The following LRRIQ3 variants were observed in gnomAD, a reference collection of about 807,000 sequenced individuals.
The protein encoded by LRRIQ3 is leucine-rich repeat and IQ domain-containing protein 3.
Under a neutral mutation model 59.3 loss-of-function variants are expected in LRRIQ3, and 75 were observed. The observed-to-expected ratio is 1.26, with a 90% CI of 1.05 to 1.53. The LOEUF (loss-of-function observed/expected upper bound fraction) is 1.53. LRRIQ3 is among the 40% of genes most tolerant of loss of function. The probability of loss-of-function intolerance (pLI) is 0.00; values close to 1 mark genes in which losing one functional copy is unlikely to be tolerated. For missense variants in LRRIQ3, 831 were observed against 710.0 expected (o/e 1.17, Z -1.94); for synonymous variants, 250 against 231.3 (o/e 1.08, Z -0.73).
At position 74,041,475 on chromosome 1, in the gene LRRIQ3, C is replaced by T. The variant is rs200322002; in HGVS notation, c.1456G>A (p.Val486Ile). Residue 486 changes from valine to isoleucine, a missense_variant, in exon 7 of 8, where the codon GTT (valine) becomes ATT (isoleucine). Val to Ile is a conservative substitution (Grantham distance 29). Coordinates refer to ENST00000354431, the MANE Select transcript of LRRIQ3 (RefSeq NM_001105659.2). ...KETIQNSLRQ[V>I]WQNRFNYLEK... ...AGGTAGTTGAATCTGTTTTGCCAAA[C>T]TTGTCGTAAACTGTTCTGAATTGTC... 794 of 1,613,512 alleles carry T rather than the reference C, an allele frequency of 4.9e-4. 2 individuals are homozygous for T. Among genetic ancestry groups the T allele is most frequent in the Non-Finnish European group, 6.4e-4 (755 of 1,179,836 alleles).
intron 4 of LRRIQ3, among the ~76,000 whole-genome samples, chr1:74,122,292 G>A (rs1490901663): frequency 6.6e-6 from 1 of 152,124 alleles, no homozygotes; most frequent in African/African-American, 2.4e-5. Context: ...GGTGTGAGAT[G>A]TTATCTCATA....
chr1:74,162,455 C>T (rs1316677142), intron 3 of LRRIQ3, among the ~76,000 whole-genome samples: 2 of 151,754 alleles, frequency 1.3e-5, no homozygotes, highest in African/African-American at 4.8e-5. Flanking sequence ...AAATTCTATA[C>T]TACGTGCCTG....
chr1:74,030,625 G>T (rs1332502033), intron 7 of LRRIQ3, among the ~76,000 whole-genome samples: 1 of 152,108 alleles, frequency 6.6e-6, no homozygotes, highest in Non-Finnish European at 1.5e-5. Flanking sequence ...ATGGATTAAA[G>T]ACTTAAATGT....
chr1:74,106,647 G>A (rs1445588278), intron 5 of LRRIQ3, among the ~76,000 whole-genome samples: 2 of 151,920 alleles, frequency 1.3e-5, no homozygotes, highest in South Asian at 2.1e-4. Context: ...GTATTAGTGT[G>A]TTTGCTATTA....
At chr1:74,187,676 T>A (rs1650492522) in intron 1 of LRRIQ3, among the ~76,000 whole-genome samples, 1 of 151,816 alleles carries the variant, frequency 6.6e-6, no homozygotes, top group Non-Finnish European at 1.5e-5. Flanking sequence ...ATCTCAGAAA[T>A]CATCACTAAA....
chr1:74,035,452 A>T (rs193266334), intron 7 of LRRIQ3, among the ~76,000 whole-genome samples: 1 of 152,104 alleles, frequency 6.6e-6, no homozygotes, highest in Non-Finnish European at 1.5e-5. Context: ...CAATTAATAA[A>T]ATTTAAATTG....
At chr1:74,155,540 T>C (rs916437798) in intron 4 of LRRIQ3, 193 bp downstream of exon 4, 1 of 368,326 alleles carries the variant, frequency 2.7e-6, no homozygotes, top group Non-Finnish European at 4.8e-6. Flanking sequence ...AAATAAAATA[T>C]CAAATGTTGA....
At chr1:74,190,283 C>A (rs1243893604) in intron 1 of LRRIQ3, among the ~76,000 whole-genome samples, 2 of 151,700 alleles carry the variant, frequency 1.3e-5, no homozygotes, top group South Asian at 4.2e-4. Context: ...CATACAAGAA[C>A]AAATGGATAA....
intron 1 of LRRIQ3, among the ~76,000 whole-genome samples, chr1:74,190,891 A>T (rs959171909): frequency 3.3e-5 from 5 of 152,122 alleles, no homozygotes; most frequent in African/African-American, 1.2e-4. Context: ...AGAGAAAAAA[A>T]ACTCACTGAC....
intron 4 of LRRIQ3, among the ~76,000 whole-genome samples, chr1:74,151,327 G>C (rs1647933971): frequency 6.6e-6 from 1 of 152,112 alleles, no homozygotes; most frequent in Non-Finnish European, 1.5e-5. Context: ...TGGGATAATA[G>C]TTATGGCAGT....
Position 74,060,188 on chromosome 1 carries a change from T to TTTCTTCTTCTTCTTCTTC in LRRIQ3, c.997+14455_997+14472dup, listed in dbSNP as rs1322871460. On this transcript the variant is annotated intron_variant, in intron 6 of 7. Transcript: ENST00000354431. ...TCGTCGTCATCTTCTTCTTCTTCTT[T>TTTCTTCTTCTTCTTCTTC]TTCTTCTTCTTCTTCTTCTTCTTCT... 1.4e-4 allele frequency among the ~76,000 whole-genome samples: 16 copies of TTTCTTCTTCTTCTTCTTC among 111,516 alleles called. 2 individuals carry two copies. The highest frequency in any genetic ancestry group is 3.0e-4 in the East Asian group (1 of 3,330). 73.2% of individuals were successfully genotyped at this position (111,516 alleles called of 152,430 possible).
At position 74,074,747 on chromosome 1, in the gene LRRIQ3, C is replaced by A; in HGVS notation, c.911G>T (p.Arg304Ile). The A allele has an allele frequency of 7.0e-7, 1 of 1,423,250 alleles. No individual in the cohort carries two copies. Among genetic ancestry groups the A allele is most frequent in the Non-Finnish European group, 9.5e-7 (1 of 1,055,054 alleles). The allele number at this position is 1,423,250 out of a possible 1,614,324, so 88.2% of individuals were successfully genotyped here. A position where few individuals can be genotyped will look rare whatever the true frequency, so the allele number is the denominator to read the frequency against. The change falls in exon 6 of 8, where the codon AGA (arginine) becomes ATA (isoleucine). Residue 304 changes from arginine to isoleucine, a missense_variant. By Grantham distance (97) the Arg-to-Ile change is moderately conservative. Coordinates refer to ENST00000354431, the MANE Select transcript of LRRIQ3 (RefSeq NM_001105659.2). ...ACATAAAATAGATGACACATGTTTT[C>A]TGTGTTCACTGGAATTTTTTAAATC... ...PVDLKNSSEHRKHVSSILCEL... is the reference protein window; with the variant it reads ...PVDLKNSSEHIKHVSSILCEL...
intron 4 of LRRIQ3, among the ~76,000 whole-genome samples, chr1:74,153,318 T>G (rs975591811): frequency 6.6e-6 from 1 of 152,182 alleles, no homozygotes; most frequent in South Asian, 2.1e-4. Flanking sequence ...TTTGGCCATA[T>G]ATATTTCAAG....
chr1:74,099,328 C>A (rs1317303405), intron 5 of LRRIQ3, among the ~76,000 whole-genome samples: 2 of 152,128 alleles, frequency 1.3e-5, no homozygotes, highest in African/African-American at 4.8e-5. Flanking sequence ...AATTCCTCGA[C>A]CCATACACCC....
intron 5 of LRRIQ3, among the ~76,000 whole-genome samples, chr1:74,108,559 C>A: frequency 6.6e-6 from 1 of 151,656 alleles, no homozygotes; most frequent in East Asian, 1.9e-4. Flanking sequence ...TTTTGTATTG[C>A]CTTCTAACAA....
intron 5 of LRRIQ3, among the ~76,000 whole-genome samples, chr1:74,099,562 C>T (rs1285379965): frequency 1.3e-5 from 2 of 152,072 alleles, no homozygotes; most frequent in African/African-American, 2.4e-5. Context: ...TTTATAAGGC[C>T]AGCATCATCC....
chr1:74,107,408 T>C (rs1646629880), intron 5 of LRRIQ3, among the ~76,000 whole-genome samples: 1 of 151,904 alleles, frequency 6.6e-6, no homozygotes, highest in South Asian at 2.1e-4. Flanking sequence ...TCACTGTTCC[T>C]TTAGATTTAT....
At chr1:74,070,737 C>T (rs907542951) in intron 6 of LRRIQ3, among the ~76,000 whole-genome samples, 23 of 151,706 alleles carry the variant, frequency 1.5e-4, no homozygotes, top group Non-Finnish European at 3.2e-4. Flanking sequence ...AAATACCTCT[C>T]AATTTCAAAA....
At chr1:74,161,530 T>C (rs1399645130) in intron 3 of LRRIQ3, among the ~76,000 whole-genome samples, 2 of 152,042 alleles carry the variant, frequency 1.3e-5, no homozygotes, top group African/African-American at 4.8e-5. Context: ...AGTGTAATGA[T>C]GTAAAAGTGC....
Sources: allele counts gnomAD v4.1 joint callset (sites outside exome capture counted in the v4.1 genomes callset), GRCh38; gene constraint gnomAD v4.1.1; transcripts MANE v1.5; gene names NCBI Gene and HGNC (gene_info 2026-07-23, HGNC 2026-07-21).